Variants in ARMC3 observed in about 807,000 individuals in gnomAD.
ARMC3 encodes the protein armadillo repeat-containing protein 3.
A neutral mutation model predicts 90.3 loss-of-function variants in ARMC3; 74 were observed. The ratio of observed to expected loss-of-function variants is 0.82; its 90% confidence interval spans 0.68 to 0.99. The LOEUF (loss-of-function observed/expected upper bound fraction) is 0.99. Ranked by LOEUF, ARMC3 falls within the 50% of genes least tolerant of loss-of-function variation. The probability of loss-of-function intolerance (pLI) is 0.00; values close to 1 mark genes in which losing one functional copy is unlikely to be tolerated. For synonymous variants in ARMC3, 334 were observed against 361.8 expected, an observed-to-expected ratio of 0.92 and a Z score of 0.87; for missense variants, 958 against 1,042.8, an observed-to-expected ratio of 0.92 and a Z score of 1.12.
At chr10:22,996,893 G>C (rs1349491129) in intron 10 of ARMC3, among the ~76,000 whole-genome samples, 4 of 151,762 alleles carry the variant, frequency 2.6e-5, no homozygotes, top group Non-Finnish European at 4.4e-5. Flanking sequence ...TCACCATACA[G>C]GATGATGGGC....
chr10:22,956,261 A>G (rs1167029248), intron 4 of ARMC3, among the ~76,000 whole-genome samples: 1 of 152,204 alleles, frequency 6.6e-6, no homozygotes, highest in African/African-American at 2.4e-5. Flanking sequence ...TGTATCTTAC[A>G]TTTCATGTAT....
intron 2 of ARMC3, among the ~76,000 whole-genome samples, chr10:22,942,605 T>C (rs571947062): frequency 1.3e-5 from 2 of 152,298 alleles, no homozygotes; most frequent in East Asian, 3.9e-4. Flanking sequence ...GGTGAGGATG[T>C]AGAGCAAGTG....
chr10:23,030,237 G>T (rs770597109), intron 16 of ARMC3, among the ~76,000 whole-genome samples: 1 of 152,114 alleles, frequency 6.6e-6, no homozygotes, highest in Non-Finnish European at 1.5e-5. Context: ...TATCCATGAG[G>T]AATTGGTTTC....
Position 22,961,974 on chromosome 10 carries a change from T to A in ARMC3, c.628T>A (p.Leu210Met). The A allele has an allele frequency of 1.9e-6, 3 of 1,612,786 alleles. No individual in the cohort carries two copies. The highest frequency in any genetic ancestry group is 2.5e-6 in the Non-Finnish European group (3 of 1,179,222). The change falls in exon 7 of 19, where the codon TTG becomes ATG. Residue 210 changes from leucine to methionine, a missense_variant. Leu to Met is a conservative substitution (Grantham distance 15). Coordinates refer to ENST00000298032, the MANE Select transcript of ARMC3 (RefSeq NM_173081.5). ...GTCAGAATATCCAGTGATTCAGTTG[T>A]TGGCTCTCAAAACCTTAGGTGTTAT... Reference protein sequence around the residue: ...LKSEYPVIQLLALKTLGVIAN... With the variant: ...LKSEYPVIQLMALKTLGVIAN...
At chr10:22,948,428 T>G (rs1465055888) in intron 3 of ARMC3, among the ~76,000 whole-genome samples, 1 of 152,128 alleles carries the variant, frequency 6.6e-6, no homozygotes, top group East Asian at 1.9e-4. Context: ...AGTCTGATGT[T>G]TTATACTAGT....
chr10:22,961,691 A>C (rs1408501401), intron 6 of ARMC3, 193 bp from the exon 7 acceptor site: 6 of 548,862 alleles, frequency 1.1e-5, no homozygotes, highest in Non-Finnish European at 1.6e-5. Context: ...CAATGTCTAC[A>C]TATTACAGTT....
At chr10:22,977,732 T>C (rs1044956047) in intron 8 of ARMC3, among the ~76,000 whole-genome samples, 4 of 152,248 alleles carry the variant, frequency 2.6e-5, no homozygotes, top group African/African-American at 4.8e-5. Flanking sequence ...AATTTTCTTA[T>C]AGCCTAGGAG....
intron 16 of ARMC3, among the ~76,000 whole-genome samples, chr10:23,019,910 T>A (rs764068842): frequency 1.4e-4 from 21 of 152,238 alleles, no homozygotes; most frequent in Non-Finnish European, 2.8e-4. Flanking sequence ...CGTTTGAGAC[T>A]GGCCTTTCCA....
intron 4 of ARMC3, among the ~76,000 whole-genome samples, chr10:22,957,954 T>C (rs1377535474): frequency 1.3e-5 from 2 of 152,172 alleles, no homozygotes; most frequent in African/African-American, 2.4e-5. Flanking sequence ...CCCAGCACTT[T>C]GGGAGGCTGA....
intron 7 of ARMC3, among the ~76,000 whole-genome samples, chr10:22,964,115 A>G (rs1262049344): frequency 6.6e-6 from 1 of 152,112 alleles, no homozygotes; most frequent in Non-Finnish European, 1.5e-5. Flanking sequence ...TCATATTTCT[A>G]TATGTGAGCA....
At chr10:22,942,704 G>A (rs1834366356) in intron 2 of ARMC3, among the ~76,000 whole-genome samples, 1 of 152,118 alleles carries the variant, frequency 6.6e-6, no homozygotes, top group Admixed American at 6.5e-5. Flanking sequence ...GGAAATATAT[G>A]TCTACCCCAT....
Position 23,030,680 on chromosome 10 carries a change from C to G in ARMC3, c.2130C>G (p.Ser710Arg). The G allele has an allele frequency of 6.2e-7, 1 of 1,613,836 alleles. No homozygotes were observed. The highest frequency in any genetic ancestry group is 8.5e-7 in the Non-Finnish European group (1 of 1,179,856). ...MVVPKFVGEG[S>R]SDKEWCPPSD... ...TACCAAAATTTGTTGGTGAAGGAAGCTCTGACAAAGAATGGTGTCCTCCCT... is the reference window on the plus strand; with the variant it reads ...TACCAAAATTTGTTGGTGAAGGAAGGTCTGACAAAGAATGGTGTCCTCCCT... The change falls in exon 17 of 19, where the codon AGC becomes AGG. Residue 710 changes from serine to arginine, a missense_variant. Transcript: ENST00000298032.
Position 22,973,293 on chromosome 10 carries a change from TTAATAATAATAA to T in ARMC3, c.916+4835_916+4846del, listed in dbSNP as rs148238155. Among the ~76,000 whole-genome samples, 189 of 140,908 alleles carry T rather than the reference TTAATAATAATAA, an allele frequency of 1.3e-3. 3 individuals are homozygous for T. Among genetic ancestry groups the T allele is most frequent in the East Asian group, 9.7e-3 (48 of 4,950 alleles). 92.4% of individuals were successfully genotyped at this position (140,908 alleles called of 152,430 possible). A position where few individuals can be genotyped will look rare whatever the true frequency, so the allele number is the denominator to read the frequency against. ...CAGCCTGGGTAACTGAGCAAGACCC[TTAATAATAATAA>T]TAATAATAATAATAATAATAATAAT... On this transcript the variant is annotated intron_variant, in intron 8 of 18. Coordinates refer to ENST00000298032, the MANE Select transcript of ARMC3 (RefSeq NM_173081.5).
intron 16 of ARMC3, among the ~76,000 whole-genome samples, chr10:23,013,555 C>T (rs1255064223): frequency 2.6e-5 from 4 of 152,090 alleles, no homozygotes; most frequent in East Asian, 1.9e-4. Flanking sequence ...ATGTTTACCA[C>T]GATTAAGTTA....
At chr10:22,993,744 A>C (rs1836819708) in intron 10 of ARMC3, among the ~76,000 whole-genome samples, 1 of 152,340 alleles carries the variant, frequency 6.6e-6, no homozygotes, top group Non-Finnish European at 1.5e-5. Context: ...AGGAAGGGAC[A>C]GGTAAGCAGA....
At chr10:22,953,656 A>G (rs778007366) in intron 3 of ARMC3, among the ~76,000 whole-genome samples, 3 of 152,200 alleles carry the variant, frequency 2.0e-5, no homozygotes, top group Non-Finnish European at 2.9e-5. Context: ...CCTTTATTCA[A>G]CATTGTATGG....
chr10:22,969,951 A>C (rs1050891939), intron 8 of ARMC3, among the ~76,000 whole-genome samples: 6 of 152,142 alleles, frequency 3.9e-5, no homozygotes, highest in African/African-American at 1.4e-4. Flanking sequence ...CTAGAGTTCT[A>C]GTACTAGTTC....
At chr10:23,020,117 T>TTGTTA (rs1264324578) in intron 16 of ARMC3, among the ~76,000 whole-genome samples, 9 of 151,904 alleles carry the variant, frequency 5.9e-5, no homozygotes, top group Non-Finnish European at 1.2e-4. Flanking sequence ...ATGTAAGTTT[T>TTGTTA]TGTTTTGTTT....
chr10:23,013,145 T>C (rs7074488), intron 16 of ARMC3, among the ~76,000 whole-genome samples: 132,333 of 151,732 alleles, frequency 0.87, 58,092 homozygotes, highest in Non-Finnish European at 0.92. Context: ...GTGATCTGCC[T>C]GCCTCGGCCT....
Sources: allele counts gnomAD v4.1 joint callset (sites outside exome capture counted in the v4.1 genomes callset), GRCh38; gene constraint gnomAD v4.1.1; transcripts MANE v1.5; gene names NCBI Gene and HGNC (gene_info 2026-07-23, HGNC 2026-07-21).